CDH2: variants seen among roughly 807,000 people sequenced by gnomAD.
CDH2 encodes cadherin-2.
Under a neutral mutation model 92.0 loss-of-function variants are expected in CDH2, and 17 were observed. The observed-to-expected ratio is 0.18, with a 90% CI of 0.13 to 0.28. The LOEUF (loss-of-function observed/expected upper bound fraction) is 0.28. Ranked by LOEUF, CDH2 falls within the 10% of genes least tolerant of loss-of-function variation. CDH2 has a pLI of 1.00. For synonymous variants in CDH2, 419 were observed against 415.9 expected (o/e 1.01, Z -0.09); for missense variants, 862 against 1,133.1 (o/e 0.76, Z 3.44).
Position 27,985,691 on chromosome 18 carries a change from T to C in CDH2, c.1812A>G (p.Gln604=). The C allele has an allele frequency of 6.2e-7, 1 of 1,614,038 alleles. No individual in the cohort carries two copies. ...AAGTCTCTGCCTCTTGAGGTAACAC[T>C]TGAGGGGCATTGTCATTAATATCAA... ...YLLDINDNAP[Q]VLPQEAETCE... is the part of the protein sequence containing the mutation. The change falls in exon 12 of 16, where the codon CAA becomes CAG. Residue 604 remains glutamine (Q), a synonymous_variant. Coordinates refer to ENST00000269141, the MANE Select transcript of CDH2 (RefSeq NM_001792.5).
chr18:28,135,025 A>G (rs749621643), intron 2 of CDH2, among the ~76,000 whole-genome samples: 19 of 152,152 alleles, frequency 1.2e-4, no homozygotes, highest in Non-Finnish European at 2.5e-4. Flanking sequence ...TGCGAACACA[A>G]TAATCCAGAC....
chr18:28,139,281 T>C (rs2015914824), intron 2 of CDH2, among the ~76,000 whole-genome samples: 1 of 152,062 alleles, frequency 6.6e-6, no homozygotes, highest in African/African-American at 2.4e-5. Flanking sequence ...TCCCCTCTTC[T>C]GCACCATCAC....
intron 4 of CDH2, among the ~76,000 whole-genome samples, chr18:28,010,546 T>C (rs976449840): frequency 1.3e-5 from 2 of 152,094 alleles, no homozygotes; most frequent in African/African-American, 2.4e-5. Context: ...ATTAAGTCAA[T>C]GTATGAGCAG....
chr18:27,965,329 G>A (rs1215681965), intron 14 of CDH2, among the ~76,000 whole-genome samples: 1 of 152,220 alleles, frequency 6.6e-6, no homozygotes, highest in East Asian at 1.9e-4. Context: ...CTCCTCTTAG[G>A]TGTGTGCAAT....
chr18:27,933,239 G>C (rs1229260854), intron 6 of CDH2, among the ~76,000 whole-genome samples: 1 of 152,094 alleles, frequency 6.6e-6, no homozygotes, highest in African/African-American at 2.4e-5. Flanking sequence ...AAACCAAAAT[G>C]CATGTCCTCC....
At chr18:28,065,207 G>T (rs1290471538) in intron 2 of CDH2, among the ~76,000 whole-genome samples, 16 of 152,012 alleles carry the variant, frequency 1.1e-4, no homozygotes, top group Admixed American at 1.0e-3. Flanking sequence ...ATTCACCAAG[G>T]GTTTTTATCC....
At chr18:27,977,861 G>T (rs17498016) in intron 14 of CDH2, among the ~76,000 whole-genome samples, 2 of 152,188 alleles carry the variant, frequency 1.3e-5, no homozygotes, top group East Asian at 1.9e-4. Flanking sequence ...GTACACACAG[G>T]CTCCATAAAA....
At position 28,147,796 on chromosome 18, in the gene CDH2, G is replaced by C. The variant is rs201119456; in HGVS notation, c.61-12C>G. 8.2e-6 allele frequency: 9 copies of C among 1,092,526 alleles called. No individual in the cohort carries two copies. The highest frequency in any genetic ancestry group is 1.2e-5 in the Non-Finnish European group (9 of 771,124). 67.7% of individuals were successfully genotyped at this position (1,092,526 alleles called of 1,614,324 possible). A position where few individuals can be genotyped will look rare whatever the true frequency, so the allele number is the denominator to read the frequency against. On this transcript the variant is annotated splice_polypyrimidine_tract_variant and intron_variant, in intron 1 of 15. Transcript: ENST00000269141. ...GCCTCTACAGACGCCTGCAACACAA[G>C]AAAAAAAAAAAAAATGTGTGCAATG...
intron 2 of CDH2, among the ~76,000 whole-genome samples, chr18:28,064,849 C>G (rs1379593260): frequency 6.6e-6 from 1 of 152,158 alleles, no homozygotes; most frequent in Non-Finnish European, 1.5e-5. Context: ...TGCTTCTACT[C>G]TCCTCCTAGG....
chr18:28,083,392 AACCTGGACC>A (rs1212505760), intron 2 of CDH2, among the ~76,000 whole-genome samples: 1 of 152,160 alleles, frequency 6.6e-6, no homozygotes, highest in Non-Finnish European at 1.5e-5. Flanking sequence ...TGCCAGGAAA[AACCTGGACC>A]ACACTGGACT....
At chr18:28,069,759 G>A (rs1051352669) in intron 2 of CDH2, among the ~76,000 whole-genome samples, 30 of 152,036 alleles carry the variant, frequency 2.0e-4, no homozygotes, top group African/African-American at 7.2e-4. Context: ...GTGGGAGATG[G>A]AGTCACCACC....
At chr18:28,025,782 A>G (rs930087409) in intron 2 of CDH2, among the ~76,000 whole-genome samples, 1 of 151,966 alleles carries the variant, frequency 6.6e-6, no homozygotes, top group Non-Finnish European at 1.5e-5. Flanking sequence ...TAGGGTAGCT[A>G]TGGCAAATAA....
At chr18:27,941,083 T>TGC (rs1909126925) in intron 6 of CDH2, among the ~76,000 whole-genome samples, 1 of 148,598 alleles carries the variant, frequency 6.7e-6, no homozygotes, top group Non-Finnish European at 1.5e-5. Context: ...TCGCCCAGGC[T>TGC]GGAGTGCAGT....
At chr18:27,969,738 C>T (rs554346640) in intron 14 of CDH2, among the ~76,000 whole-genome samples, 5 of 152,272 alleles carry the variant, frequency 3.3e-5, no homozygotes, top group South Asian at 2.1e-4. Flanking sequence ...TCAGCTTGGC[C>T]GGGTGCGGCG....
intron 2 of CDH2, among the ~76,000 whole-genome samples, chr18:28,134,587 G>A (rs1364025430): frequency 2.0e-5 from 3 of 151,798 alleles, no homozygotes; most frequent in South Asian, 4.2e-4. Context: ...GTGCATGCCT[G>A]TAGTCCCAGC....
rs531903664 is a variant in CDH2 at position 28,154,621 on chromosome 18, G to A, written c.61-6837C>T. ...GTTCAAATTTTTCCACGGTCTCAAT[G>A]CTGTGAGCTTTAAAGCCGAGTCCAC... On this transcript the variant is annotated intron_variant, in intron 1 of 15. Transcript: ENST00000269141. 8.5e-5 allele frequency among the ~76,000 whole-genome samples: 13 copies of A among 152,270 alleles called. 1 individual carries two copies. The highest frequency in any genetic ancestry group is 3.1e-4 in the African/African-American group (13 of 41,560).
chr18:27,999,619 C>A (rs917928087), intron 7 of CDH2, among the ~76,000 whole-genome samples: 1 of 151,846 alleles, frequency 6.6e-6, no homozygotes, highest in African/African-American at 2.4e-5. Context: ...ATTTATTAGG[C>A]ACTGTGCTGA....
intron 2 of CDH2, among the ~76,000 whole-genome samples, chr18:28,135,268 G>A (rs541798866): frequency 6.6e-6 from 1 of 152,124 alleles, no homozygotes; most frequent in African/African-American, 2.4e-5. Context: ...AAATATCAAT[G>A]TATCATTGCT....
At chr18:27,981,029 G>A (rs2012033705) in intron 14 of CDH2, among the ~76,000 whole-genome samples, 2 of 152,100 alleles carry the variant, frequency 1.3e-5, no homozygotes, top group East Asian at 3.9e-4. Flanking sequence ...GGTGGGGAAA[G>A]GAGAGGAAGA....
Sources: gnomAD v4.1 joint callset for allele counts (sites outside exome capture counted in the v4.1 genomes callset) on GRCh38, gnomAD v4.1.1 for gene constraint, MANE v1.5 for transcripts, NCBI Gene and HGNC (gene_info 2026-07-23, HGNC 2026-07-21) for gene names.